Variants in GLIS3 observed in about 807,000 individuals in gnomAD.
The protein encoded by GLIS3 is GLIS family zinc finger 3, also known as zinc finger protein GLIS3.
GLIS3 carries 53 observed loss-of-function variants against 78.6 expected under a neutral mutation model. The ratio of observed to expected loss-of-function variants is 0.67; its 90% CI spans 0.54 to 0.85. The LOEUF (loss-of-function observed/expected upper bound fraction) is 0.85. GLIS3 is among the 40% of genes least tolerant of loss of function. The probability of loss-of-function intolerance (pLI) is 0.00; values close to 1 mark genes in which losing one functional copy is unlikely to be tolerated. For missense variants in GLIS3, 1,703 were observed against 1,231.1 expected, an observed-to-expected ratio of 1.38 and a Z score of -5.74; for synonymous variants, 684 against 509.9, an observed-to-expected ratio of 1.34 and a Z score of -4.60.
At chr9:4,034,302 GA>G (rs1035103020) in intron 4 of GLIS3, among the ~76,000 whole-genome samples, 4 of 151,688 alleles carry the variant, frequency 2.6e-5, no homozygotes, top group African/African-American at 9.7e-5. Context: ...GTTAGAAACA[GA>G]AAAAAAAGTC....
chr9:4,294,824 T>G (rs548543674), intron 1 of GLIS3, among the ~76,000 whole-genome samples: 1 of 152,220 alleles, frequency 6.6e-6, no homozygotes. Context: ...TACATCTATA[T>G]ATTCACATAC....
chr9:4,292,236 T>C (rs1816051791), intron 1 of GLIS3, among the ~76,000 whole-genome samples: 1 of 152,192 alleles, frequency 6.6e-6, no homozygotes, highest in South Asian at 2.1e-4. Context: ...GGAGAAAGCA[T>C]TATTTAATGA....
At chr9:3,958,590 G>C (rs115199917) in intron 4 of GLIS3, among the ~76,000 whole-genome samples, 3,796 of 152,284 alleles carry the variant, frequency 0.025, 157 homozygotes, top group African/African-American at 0.087. Context: ...ATAAACACGT[G>C]TTGGGCTTCT....
At chr9:4,205,582 G>A (rs779599683) in intron 2 of GLIS3, among the ~76,000 whole-genome samples, 9 of 152,354 alleles carry the variant, frequency 5.9e-5, no homozygotes, top group South Asian at 2.1e-4. Context: ...CTTGGAAGGT[G>A]AGTGAGTAGC....
intron 4 of GLIS3, among the ~76,000 whole-genome samples, chr9:4,025,191 G>C (rs928677043): frequency 6.6e-6 from 1 of 151,932 alleles, no homozygotes; most frequent in Non-Finnish European, 1.5e-5. Flanking sequence ...GGCAGACGTT[G>C]CAGTGAGCCA....
intron 1 of GLIS3, among the ~76,000 whole-genome samples, chr9:4,292,348 C>T (rs1458505730): frequency 2.0e-5 from 3 of 152,050 alleles, no homozygotes; most frequent in Non-Finnish European, 2.9e-5. Context: ...TACCTATCTG[C>T]CCATTTGTAT....
chr9:4,407,835 G>T, the GLIS3 span, among the ~76,000 whole-genome samples: 1 of 151,972 alleles, frequency 6.6e-6, no homozygotes, highest in Non-Finnish European at 1.5e-5. Flanking sequence ...GCAACCCGCA[G>T]AATGAGAGAA....
chr9:4,421,298 A>C, the GLIS3 span, among the ~76,000 whole-genome samples: 4 of 152,182 alleles, frequency 2.6e-5, no homozygotes, highest in Non-Finnish European at 4.4e-5. Flanking sequence ...AAGACAATTC[A>C]CCAAGGGCAG....
chr9:4,369,805 T>C, the GLIS3 span, among the ~76,000 whole-genome samples: 2 of 152,000 alleles, frequency 1.3e-5, no homozygotes, highest in African/African-American at 4.8e-5. Context: ...CTAATAGAGA[T>C]AAAATCCTAT....
the GLIS3 span, among the ~76,000 whole-genome samples, chr9:4,416,705 C>T: frequency 2.0e-5 from 3 of 151,906 alleles, no homozygotes; most frequent in African/African-American, 7.3e-5. Flanking sequence ...TCCTTTTCAT[C>T]ACAACCATTT....
chr9:3,925,479 G>T (rs1316336838), intron 6 of GLIS3, among the ~76,000 whole-genome samples: 1 of 152,188 alleles, frequency 6.6e-6, no homozygotes. Context: ...GCTGGTGTCT[G>T]TGTGAAGTGT....
intron 4 of GLIS3, among the ~76,000 whole-genome samples, chr9:4,066,382 T>C (rs1300146834): frequency 2.0e-5 from 3 of 152,130 alleles, no homozygotes; most frequent in South Asian, 2.1e-4. Flanking sequence ...TTGATGCTGA[T>C]AGGTACGCCT....
rs1239334665 is a variant in GLIS3, at chr9:3,826,547, C to G, written c.*1725G>C. ...TTTTCTTAGAATACAGCCCACTACTCAGAGAAACTAGATTGACCAAGTGCA... is the reference window on the plus strand; with the variant it reads ...TTTTCTTAGAATACAGCCCACTACTGAGAGAAACTAGATTGACCAAGTGCA... On this transcript the variant is annotated 3_prime_UTR_variant, in exon 11 of 11. Coordinates refer to ENST00000381971, the MANE Select transcript of GLIS3 (RefSeq NM_001042413.2). 6.6e-6 allele frequency: 1 copy of G among 152,192 alleles called. No individual in the cohort carries two copies. Among genetic ancestry groups the G allele is most frequent in the Non-Finnish European group, 1.5e-5 (1 of 68,034 alleles). The allele number at this position is 152,192 out of a possible 1,614,324, so 9.4% of individuals were successfully genotyped here.
chr9:4,174,820 G>A (rs1470390666), intron 2 of GLIS3, among the ~76,000 whole-genome samples: 1 of 152,166 alleles, frequency 6.6e-6, no homozygotes, highest in Admixed American at 6.5e-5. Context: ...ATTATTTAAT[G>A]ATTCATCTGC....
chr9:4,294,991 A>ATTG (rs1413569281), intron 1 of GLIS3, among the ~76,000 whole-genome samples: 1 of 152,244 alleles, frequency 6.6e-6, no homozygotes, highest in Non-Finnish European at 1.5e-5. Flanking sequence ...GGCTTATGGA[A>ATTG]CCAGTTTAAT....
chr9:4,474,816 C>G, the GLIS3 span, among the ~76,000 whole-genome samples: 1 of 151,132 alleles, frequency 6.6e-6, no homozygotes, highest in African/African-American at 2.4e-5. Flanking sequence ...CCCACATCAG[C>G]CTCTGGAGTA....
intron 4 of GLIS3, among the ~76,000 whole-genome samples, chr9:4,050,050 G>A (rs1307184886): frequency 1.3e-5 from 2 of 152,154 alleles, no homozygotes; most frequent in Non-Finnish European, 2.9e-5. Flanking sequence ...CAATTCCTCA[G>A]GGATCTAGAA....
At chr9:4,286,977 G>A (rs1828054993) in intron 1 of GLIS3, among the ~76,000 whole-genome samples, 1 of 152,174 alleles carries the variant, frequency 6.6e-6, no homozygotes. Flanking sequence ...ATGAGACTAT[G>A]GGGACACTAA....
At chr9:4,130,894 TA>T (rs772844741) in intron 2 of GLIS3, among the ~76,000 whole-genome samples, 1 of 152,148 alleles carries the variant, frequency 6.6e-6, no homozygotes, top group Non-Finnish European at 1.5e-5. Flanking sequence ...AAGCCACAGG[TA>T]CTCAATGCCA....
Sources: gnomAD v4.1 joint callset for allele counts (sites outside exome capture counted in the v4.1 genomes callset) on GRCh38, gnomAD v4.1.1 for gene constraint, MANE v1.5 for transcripts, NCBI Gene and HGNC (gene_info 2026-07-23, HGNC 2026-07-21) for gene names.